SMYD3: variants seen among roughly 807,000 people sequenced by gnomAD.
SMYD3 encodes the protein SET and MYND domain containing 3.
In SMYD3, 36 loss-of-function variants were observed where a neutral mutation model predicts 57.7. The observed-to-expected ratio is 0.62, with a 90% CI of 0.48 to 0.82. The LOEUF (loss-of-function observed/expected upper bound fraction) is 0.82, where lower values mean the gene tolerates loss of function less well. Among genes scored for constraint, SMYD3 ranks in the 40% least tolerant of loss-of-function variants. SMYD3 has a pLI of 0.00. For synonymous variants in SMYD3, 211 were observed against 195.0 expected, an observed-to-expected ratio of 1.08 and a Z score of -0.68; for missense variants, 515 against 538.8, an observed-to-expected ratio of 0.96 and a Z score of 0.44.
At position 246,200,920 on chromosome 1, in the gene SMYD3, C is replaced by T. The variant is rs181053111; in HGVS notation, c.531+126281G>A. Among the ~76,000 whole-genome samples, 98 of 152,326 alleles carry T rather than the reference C, an allele frequency of 6.4e-4. 1 individual carries two copies. In the South Asian group the frequency reaches 8.9e-3, roughly 14 times the overall value. On this transcript the variant is annotated intron_variant, in intron 5 of 11. Transcript: ENST00000490107. ...CCAAAAAAAAAGTTTCTTATCAAAG[C>T]ATCATGTGAAACATTAAATCCATGA...
At chr1:246,133,635 G>A (rs1191428990) in intron 5 of SMYD3, among the ~76,000 whole-genome samples, 2 of 152,070 alleles carry the variant, frequency 1.3e-5, no homozygotes, top group African/African-American at 4.8e-5. Flanking sequence ...GATACTAACG[G>A]AAGCAGGGGT....
At chr1:245,842,395 T>G (rs1232970868) in intron 10 of SMYD3, among the ~76,000 whole-genome samples, 5 of 151,982 alleles carry the variant, frequency 3.3e-5, no homozygotes. Context: ...CCTGAAGCCA[T>G]TTTACTTAAC....
chr1:245,950,105 A>G (rs1387066410), intron 5 of SMYD3, among the ~76,000 whole-genome samples: 1 of 152,150 alleles, frequency 6.6e-6, no homozygotes, highest in Non-Finnish European at 1.5e-5. Flanking sequence ...GCAAGGACAT[A>G]TGACTAAGAA....
intron 5 of SMYD3, among the ~76,000 whole-genome samples, chr1:246,028,482 G>A (rs2059614529): frequency 6.6e-6 from 1 of 152,120 alleles, no homozygotes; most frequent in Non-Finnish European, 1.5e-5. Flanking sequence ...ACTTACAACA[G>A]CTACAAAAAC....
At chr1:245,850,699 T>C (rs189613036) in intron 10 of SMYD3, among the ~76,000 whole-genome samples, 5 of 152,048 alleles carry the variant, frequency 3.3e-5, no homozygotes, top group Non-Finnish European at 7.4e-5. Flanking sequence ...AGACCCTGTG[T>C]CTCAAAAAAC....
chr1:246,074,937 CA>C (rs1343619698), intron 5 of SMYD3, among the ~76,000 whole-genome samples: 46 of 101,228 alleles, frequency 4.5e-4, no homozygotes, highest in African/African-American at 1.1e-3. Flanking sequence ...CACACACACA[CA>C]CACACACACA....
At chr1:246,261,347 G>A (rs1394349265) in intron 5 of SMYD3, among the ~76,000 whole-genome samples, 4 of 149,350 alleles carry the variant, frequency 2.7e-5, no homozygotes, top group African/African-American at 7.4e-5. Context: ...ATGAGCCACC[G>A]CACCCAGCTC....
chr1:246,070,137 A>G (rs2060417461), intron 5 of SMYD3, among the ~76,000 whole-genome samples: 1 of 152,108 alleles, frequency 6.6e-6, no homozygotes, highest in East Asian at 1.9e-4. Context: ...CAAGAGACAC[A>G]CCGAAAACTA....
intron 1 of SMYD3, among the ~76,000 whole-genome samples, chr1:246,418,695 C>T (rs1052686963): frequency 1.3e-5 from 2 of 152,106 alleles, no homozygotes; most frequent in Non-Finnish European, 2.9e-5. Flanking sequence ...GGTTTTCTCC[C>T]GGAGTCGGGC....
At chr1:246,114,644 TG>T (rs2061312888) in intron 5 of SMYD3, among the ~76,000 whole-genome samples, 3 of 152,252 alleles carry the variant, frequency 2.0e-5, no homozygotes, top group South Asian at 4.2e-4. Flanking sequence ...TTGTTGTTGT[TG>T]TTTCGAGATG....
intron 1 of SMYD3, among the ~76,000 whole-genome samples, chr1:246,455,872 T>A (rs912766832): frequency 3.3e-5 from 5 of 152,200 alleles, no homozygotes; most frequent in Non-Finnish European, 7.3e-5. Flanking sequence ...GGTCATGATT[T>A]TCTACATCAA....
intron 1 of SMYD3, among the ~76,000 whole-genome samples, chr1:246,481,605 T>TAC (rs1553354766): frequency 1.2e-5 from 1 of 86,148 alleles, no homozygotes; most frequent in Non-Finnish European, 2.2e-5. Flanking sequence ...TATATATATA[T>TAC]ATACACATAC....
chr1:246,125,965 A>T (rs1377151361), intron 5 of SMYD3, among the ~76,000 whole-genome samples: 1 of 152,204 alleles, frequency 6.6e-6, no homozygotes, highest in Non-Finnish European at 1.5e-5. Flanking sequence ...GGAATCTATA[A>T]GATGTATTGG....
chr1:246,418,865 C>T (rs374739879), intron 1 of SMYD3, among the ~76,000 whole-genome samples: 19 of 152,238 alleles, frequency 1.2e-4, no homozygotes, highest in African/African-American at 3.9e-4. Context: ...TCATATCCCC[C>T]GTGACCTGCA....
intron 7 of SMYD3, among the ~76,000 whole-genome samples, chr1:245,916,072 C>CTA (rs1467064273): frequency 6.6e-6 from 1 of 152,104 alleles, no homozygotes; most frequent in Non-Finnish European, 1.5e-5. Flanking sequence ...CTAACCAATT[C>CTA]TATAGCTGCC....
At chr1:246,236,365 G>C (rs1017917896) in intron 5 of SMYD3, among the ~76,000 whole-genome samples, 10 of 151,838 alleles carry the variant, frequency 6.6e-5, no homozygotes, top group Admixed American at 5.2e-4. Context: ...CAGTAGCTGG[G>C]ATTATAGACA....
At chr1:246,040,764 G>A (rs903317968) in intron 5 of SMYD3, among the ~76,000 whole-genome samples, 2 of 152,142 alleles carry the variant, frequency 1.3e-5, no homozygotes, top group South Asian at 2.1e-4. Flanking sequence ...CTTATAGAGC[G>A]CTAGAATTTT....
chr1:246,059,551 C>T (rs1458105287), intron 5 of SMYD3, among the ~76,000 whole-genome samples: 2 of 152,144 alleles, frequency 1.3e-5, no homozygotes, highest in Non-Finnish European at 2.9e-5. Flanking sequence ...CCAAGTGCTG[C>T]ATATCTTGTG....
At chr1:245,816,522 A>AC in intron 10 of SMYD3, among the ~76,000 whole-genome samples, 1 of 150,408 alleles carries the variant, frequency 6.6e-6, no homozygotes, top group Non-Finnish European at 1.5e-5. Context: ...CTATGTAAAA[A>AC]AAAAAAAAAA....
Sources: gnomAD v4.1 joint callset for allele counts (sites outside exome capture counted in the v4.1 genomes callset) on GRCh38, gnomAD v4.1.1 for gene constraint, MANE v1.5 for transcripts, NCBI Gene and HGNC (gene_info 2026-07-23, HGNC 2026-07-21) for gene names.